The following SPAG16 variants were observed in gnomAD, a reference collection of about 807,000 sequenced individuals.
The protein encoded by SPAG16 is sperm-associated antigen 16 protein.
Under a neutral mutation model 80.4 loss-of-function variants are expected in SPAG16, and 86 were observed. The observed-to-expected ratio is 1.07, with a 90% CI of 0.90 to 1.28. The LOEUF (loss-of-function observed/expected upper bound fraction) is 1.28, where lower values mean the gene tolerates loss of function less well. Ranked by LOEUF, SPAG16 falls within the 50% of genes most tolerant of loss-of-function variation. The pLI is 0.00. For missense variants in SPAG16, 870 were observed against 765.3 expected, an observed-to-expected ratio of 1.14 and a Z score of -1.61; for synonymous variants, 294 against 265.9, an observed-to-expected ratio of 1.11 and a Z score of -1.03.
intron 15 of SPAG16, among the ~76,000 whole-genome samples, chr2:214,177,969 A>G (rs1158286237): frequency 2.7e-5 from 2 of 75,200 alleles, no homozygotes; most frequent in Non-Finnish European, 4.4e-5. Context: ...CACAAAGTGT[A>G]TGTATATATA....
chr2:213,288,373 C>T (rs1172453945), intron 1 of SPAG16, among the ~76,000 whole-genome samples: 2 of 152,128 alleles, frequency 1.3e-5, no homozygotes, highest in Admixed American at 6.5e-5. Flanking sequence ...GGCACGATCT[C>T]GGCTCACTGC....
At chr2:213,760,690 G>A (rs2068608902) in intron 10 of SPAG16, among the ~76,000 whole-genome samples, 1 of 152,090 alleles carries the variant, frequency 6.6e-6, no homozygotes, top group Non-Finnish European at 1.5e-5. Context: ...GTTATAGAAA[G>A]TATCTTCTCT....
intron 9 of SPAG16, among the ~76,000 whole-genome samples, chr2:213,449,534 G>A (rs1169588590): frequency 2.0e-5 from 3 of 152,098 alleles, no homozygotes; most frequent in South Asian, 2.1e-4. Context: ...CACCCCTCGC[G>A]GCCCAGATGT....
chr2:213,394,807 C>A (rs904044045), intron 9 of SPAG16, among the ~76,000 whole-genome samples: 20 of 152,232 alleles, frequency 1.3e-4, no homozygotes, highest in African/African-American at 4.8e-4. Context: ...GTTGTTGATT[C>A]TCTTTAAAAT....
chr2:213,479,888 G>A (rs1282166180), intron 9 of SPAG16, among the ~76,000 whole-genome samples: 1 of 152,132 alleles, frequency 6.6e-6, no homozygotes, highest in Non-Finnish European at 1.5e-5. Context: ...AAACAAGGGG[G>A]ACAGCATGTT....
intron 10 of SPAG16, among the ~76,000 whole-genome samples, chr2:213,738,503 T>G (rs979568165): frequency 2.6e-5 from 4 of 152,176 alleles, no homozygotes; most frequent in African/African-American, 9.7e-5. Flanking sequence ...TTACTATTCT[T>G]GGCATATGAA....
Position 213,751,781 on chromosome 2 carries a change from G to C in SPAG16, c.1071-110704G>C, listed in dbSNP as rs147101568. ...ATAAACAAGTTTCCTGTGAAAGGAC[G>C]ACCTGGTCACAGTGAGATACTTAGG... On this transcript the variant is annotated intron_variant, in intron 10 of 15. Coordinates refer to ENST00000331683, the MANE Select transcript of SPAG16 (RefSeq NM_024532.5). Among the ~76,000 whole-genome samples, 18 of 152,226 alleles carry C rather than the reference G, an allele frequency of 1.2e-4. No individual in the cohort carries two copies. The East Asian group carries it at 3.3e-3, about 28-fold the overall frequency.
intron 12 of SPAG16, among the ~76,000 whole-genome samples, chr2:213,945,305 G>GTA (rs946832314): frequency 7.1e-6 from 1 of 140,174 alleles, no homozygotes; most frequent in East Asian, 2.1e-4. Flanking sequence ...ATATACACAA[G>GTA]TATATATATG....
At chr2:213,286,781 T>A (rs1239501774) in intron 1 of SPAG16, among the ~76,000 whole-genome samples, 1 of 152,220 alleles carries the variant, frequency 6.6e-6, no homozygotes, top group Non-Finnish European at 1.5e-5. Context: ...TTGAAAGAAG[T>A]TGACTTGAAT....
intron 15 of SPAG16, among the ~76,000 whole-genome samples, chr2:214,315,427 A>C (rs1370397685): frequency 6.6e-6 from 1 of 152,084 alleles, no homozygotes. Flanking sequence ...TTTCATCTTG[A>C]ATATGAGGTT....
chr2:213,376,984 T>G (rs1159724862), intron 9 of SPAG16, among the ~76,000 whole-genome samples: 1 of 152,146 alleles, frequency 6.6e-6, no homozygotes, highest in Non-Finnish European at 1.5e-5. Flanking sequence ...TGTTATGTAT[T>G]CTCATATTTT....
chr2:213,541,894 G>A (rs1392572418), intron 10 of SPAG16, among the ~76,000 whole-genome samples: 1 of 152,146 alleles, frequency 6.6e-6, no homozygotes, highest in African/African-American at 2.4e-5. Context: ...CCTCACTGGG[G>A]GTTGACACGT....
At chr2:214,132,690 C>G (rs2054838488) in intron 14 of SPAG16, among the ~76,000 whole-genome samples, 1 of 152,084 alleles carries the variant, frequency 6.6e-6, no homozygotes, top group Non-Finnish European at 1.5e-5. Context: ...AGCATGAGGA[C>G]TTGGTGCATT....
At chr2:213,379,549 G>A (rs754866829) in intron 9 of SPAG16, among the ~76,000 whole-genome samples, 3 of 152,160 alleles carry the variant, frequency 2.0e-5, no homozygotes, top group Non-Finnish European at 2.9e-5. Flanking sequence ...AAGGCATTCC[G>A]TGAGTCCACA....
At chr2:213,690,459 T>C (rs1444459772) in intron 10 of SPAG16, among the ~76,000 whole-genome samples, 1 of 152,184 alleles carries the variant, frequency 6.6e-6, no homozygotes, top group Non-Finnish European at 1.5e-5. Flanking sequence ...CTAATCTCAT[T>C]CATGAGTATG....
At chr2:214,022,162 C>A (rs1311251823) in intron 13 of SPAG16, among the ~76,000 whole-genome samples, 10 of 151,938 alleles carry the variant, frequency 6.6e-5, no homozygotes. Flanking sequence ...AAAAGACAAG[C>A]CTTACCAATT....
chr2:214,068,545 G>T (rs943663631), intron 13 of SPAG16, among the ~76,000 whole-genome samples: 2 of 151,818 alleles, frequency 1.3e-5, no homozygotes, highest in Non-Finnish European at 2.9e-5. Flanking sequence ...GCTTTTCCTA[G>T]GAATATAAAA....
chr2:214,111,246 G>A (rs2125415031), intron 14 of SPAG16, among the ~76,000 whole-genome samples: 1 of 152,228 alleles, frequency 6.6e-6, no homozygotes, highest in South Asian at 2.1e-4. Context: ...TTTTCCTCTA[G>A]GGTTTTTATG....
At chr2:213,491,216 C>T (rs1263338473) in intron 10 of SPAG16, among the ~76,000 whole-genome samples, 1 of 152,090 alleles carries the variant, frequency 6.6e-6, no homozygotes, top group Non-Finnish European at 1.5e-5. Context: ...AAAACAAGTG[C>T]CTGTACATTC....
Sources: gnomAD v4.1 joint callset for allele counts (sites outside exome capture counted in the v4.1 genomes callset) on GRCh38, gnomAD v4.1.1 for gene constraint, MANE v1.5 for transcripts, NCBI Gene and HGNC (gene_info 2026-07-23, HGNC 2026-07-21) for gene names.